IRAK1BP1: variants seen among roughly 807,000 people sequenced by gnomAD.
IRAK1BP1 encodes interleukin-1 receptor-associated kinase 1-binding protein 1.
Under a neutral mutation model 28.0 loss-of-function variants are expected in IRAK1BP1, and 24 were observed. The ratio of observed to expected loss-of-function variants is 0.86; its 90% CI spans 0.62 to 1.20. The LOEUF (loss-of-function observed/expected upper bound fraction) is 1.20, where lower values mean the gene tolerates loss of function less well. Among genes scored for constraint, IRAK1BP1 ranks in the 50% most tolerant of loss-of-function variants. The pLI is 0.00. For synonymous variants in IRAK1BP1, 131 were observed against 116.3 expected (o/e 1.13, Z -0.81); for missense variants, 336 against 316.7 (o/e 1.06, Z -0.46).
chr6:78,954,987 A>G, the IRAK1BP1 span: 5 of 1,496,350 alleles, frequency 3.3e-6, no homozygotes, highest in African/African-American at 1.4e-5. Flanking sequence ...GTTCAAATAT[A>G]TTAATAAAAG....
At chr6:78,973,936 A>G in the IRAK1BP1 span, among the ~76,000 whole-genome samples, 1 of 152,008 alleles carries the variant, frequency 6.6e-6, no homozygotes, top group Non-Finnish European at 1.5e-5. Context: ...GGGAGACTTT[A>G]ACACCCCACT....
intron 4 of IRAK1BP1, among the ~76,000 whole-genome samples, chr6:78,920,133 A>G (rs1772683506): frequency 6.6e-6 from 1 of 152,166 alleles, no homozygotes; most frequent in Non-Finnish European, 1.5e-5. Context: ...GCATGCCTGT[A>G]ATCCCAGCTA....
chr6:78,968,333 T>C, the IRAK1BP1 span, among the ~76,000 whole-genome samples: 1 of 152,226 alleles, frequency 6.6e-6, no homozygotes, highest in Non-Finnish European at 1.5e-5. Flanking sequence ...GACATGGGTT[T>C]TAACTGACCA....
chr6:78,973,648 A>G, the IRAK1BP1 span, among the ~76,000 whole-genome samples: 2 of 146,222 alleles, frequency 1.4e-5, no homozygotes, highest in Non-Finnish European at 3.0e-5. Flanking sequence ...ACCTGCAGAG[A>G]CACACATAGG....
At chr6:78,954,250 C>G in the IRAK1BP1 span, among the ~76,000 whole-genome samples, 1 of 149,144 alleles carries the variant, frequency 6.7e-6, no homozygotes, top group Non-Finnish European at 1.5e-5. Context: ...TACAGGCACC[C>G]GCCCACACGC....
intron 4 of IRAK1BP1, among the ~76,000 whole-genome samples, chr6:78,924,018 C>G (rs1036453793): frequency 1.3e-5 from 2 of 152,036 alleles, no homozygotes; most frequent in Non-Finnish European, 2.9e-5. Flanking sequence ...ACTAGAGAAA[C>G]AAGAGCAAAC....
chr6:78,971,381 G>A, the IRAK1BP1 span, among the ~76,000 whole-genome samples: 1 of 152,194 alleles, frequency 6.6e-6, no homozygotes, highest in Non-Finnish European at 1.5e-5. Context: ...CTACTGTCTT[G>A]GAGAACTAGT....
At chr6:78,925,212 T>G (rs1040687941) in intron 4 of IRAK1BP1, among the ~76,000 whole-genome samples, 5 of 152,086 alleles carry the variant, frequency 3.3e-5, no homozygotes. Flanking sequence ...GAGATATACC[T>G]AATGTTAAAT....
chr6:78,906,390 T>G (rs1475644090), downstream of IRAK1BP1, among the ~76,000 whole-genome samples: 23 of 152,202 alleles, frequency 1.5e-4, no homozygotes, highest in Admixed American at 1.5e-3. Flanking sequence ...TTTCCGAAAT[T>G]ACACGTTGTC....
At chr6:78,895,937 A>G (rs1223665373) in intron 2 of IRAK1BP1, among the ~76,000 whole-genome samples, 1 of 152,248 alleles carries the variant, frequency 6.6e-6, no homozygotes, top group Non-Finnish European at 1.5e-5. Context: ...CATGGACAAC[A>G]TGACCATTGT....
In IRAK1BP1 at chr6:78,910,613, C is replaced by T. The variant is rs556861423; in HGVS notation, c.*67+7503C>T. Among the ~76,000 whole-genome samples the T allele has an allele frequency of 2.0e-3, 307 of 152,374 alleles. 1 individual carries two copies. Among genetic ancestry groups the T allele is most frequent in the African/African-American group, 7.1e-3 (294 of 41,598 alleles). ...GTAACAAGAAAAAGTGATATCAAGCCCGGGCAGAAGGGCGCATTCTCGGCG... is the reference window on the plus strand; with the variant it reads ...GTAACAAGAAAAAGTGATATCAAGCTCGGGCAGAAGGGCGCATTCTCGGCG... On this transcript the variant is annotated intron_variant and NMD_transcript_variant, in intron 4 of 4. Coordinates refer to the IRAK1BP1 transcript ENST00000606868.
chr6:78,877,304 C>T (rs1303031219), intron 1 of IRAK1BP1, among the ~76,000 whole-genome samples: 3 of 152,274 alleles, frequency 2.0e-5, no homozygotes, highest in Non-Finnish European at 4.4e-5. Flanking sequence ...ATTCTATGTC[C>T]TCTGGAAACA....
the IRAK1BP1 span, chr6:78,963,118 T>C: frequency 6.2e-7 from 1 of 1,606,290 alleles, no homozygotes; most frequent in South Asian, 1.1e-5. Context: ...AACTGGTTTA[T>C]TCCTGCCACA....
At chr6:78,979,314 G>T in the IRAK1BP1 span, among the ~76,000 whole-genome samples, 1 of 151,948 alleles carries the variant, frequency 6.6e-6, no homozygotes. Context: ...CTCACAACAA[G>T]GTAACAAGAT....
chr6:78,911,443 A>T (rs143811608), intron 4 of IRAK1BP1, among the ~76,000 whole-genome samples: 9 of 152,172 alleles, frequency 5.9e-5, no homozygotes, highest in Admixed American at 3.3e-4. Context: ...CACATCTGGG[A>T]TGTTACTCAT....
intron 1 of IRAK1BP1, among the ~76,000 whole-genome samples, chr6:78,877,656 T>C (rs1055345089): frequency 6.6e-6 from 1 of 152,084 alleles, no homozygotes; most frequent in Non-Finnish European, 1.5e-5. Flanking sequence ...GGACAGTGGG[T>C]GCAGCCCATG....
chr6:78,974,546 T>C, the IRAK1BP1 span, among the ~76,000 whole-genome samples: 4 of 151,286 alleles, frequency 2.6e-5, no homozygotes, highest in African/African-American at 4.9e-5. Context: ...CTGAAGGAAA[T>C]AGAGACACAA....
Position 78,867,604 on chromosome 6 carries a change from CGAGT to C in IRAK1BP1, c.30_33del (p.Val11SerfsTer44), listed in dbSNP as rs1382949120. 3 of 1,614,048 alleles carry C rather than the reference CGAGT, an allele frequency of 1.9e-6. No homozygotes were observed. Among genetic ancestry groups the C allele is most frequent in the Admixed American group, 3.3e-5 (2 of 60,004 alleles). On this transcript the variant is annotated frameshift_variant, in exon 1 of 4. Coordinates refer to ENST00000369940, the MANE Select transcript of IRAK1BP1 (RefSeq NM_001010844.4). LOFTEE classifies it high-confidence loss of function. ...GTCTCTGCAAAAGACCCCTCCGACC[CGAGT>C]GTTCGTGGAACTGGTTCCCTGGGCT...
rs147619946 is a variant in IRAK1BP1 at position 78,929,639 on chromosome 6, C to A, written c.*68-15769C>A. ...TTGTATCCCAAACCTCCGCAGTATACCTGGGTAACAAACTTGCTCATGTAC... is the reference window on the plus strand; with the variant it reads ...TTGTATCCCAAACCTCCGCAGTATAACTGGGTAACAAACTTGCTCATGTAC... On this transcript the variant is annotated intron_variant and NMD_transcript_variant, in intron 4 of 4. Transcript: ENST00000606868. Among the ~76,000 whole-genome samples the A allele has an allele frequency of 6.4e-4, 97 of 152,192 alleles. 1 individual carries two copies. In the South Asian group the frequency reaches 8.1e-3, roughly 13 times the overall value.
Sources: gnomAD v4.1 joint callset for allele counts (sites outside exome capture counted in the v4.1 genomes callset) on GRCh38, gnomAD v4.1.1 for gene constraint, MANE v1.5 for transcripts, NCBI Gene and HGNC (gene_info 2026-07-23, HGNC 2026-07-21) for gene names.